ENOX1: variants seen among roughly 807,000 people sequenced by gnomAD.
The protein encoded by ENOX1 is candidate growth-related and time keeping constitutive hydroquinone (NADH) oxidase.
A neutral mutation model predicts 82.5 loss-of-function variants in ENOX1; 42 were observed. The ratio of observed to expected loss-of-function variants is 0.51; its 90% CI spans 0.40 to 0.66. The LOEUF (loss-of-function observed/expected upper bound fraction) is 0.66, where lower values mean the gene tolerates loss of function less well. Ranked by LOEUF, ENOX1 falls within the 30% of genes least tolerant of loss-of-function variation. The pLI is 0.00. For missense variants in ENOX1, 608 were observed against 811.6 expected, an observed-to-expected ratio of 0.75 and a Z score of 3.05; for synonymous variants, 271 against 282.2, an observed-to-expected ratio of 0.96 and a Z score of 0.40.
At chr13:43,556,927 A>C (rs1297643043) in intron 2 of ENOX1, among the ~76,000 whole-genome samples, 2 of 152,242 alleles carry the variant, frequency 1.3e-5, no homozygotes, top group Non-Finnish European at 2.9e-5. Context: ...GGACTAGGGG[A>C]GAGGGTAAAA....
At chr13:43,636,175 G>A (rs1489359066) in intron 2 of ENOX1, among the ~76,000 whole-genome samples, 1 of 152,178 alleles carries the variant, frequency 6.6e-6, no homozygotes, top group Non-Finnish European at 1.5e-5. Flanking sequence ...CTGATGATGG[G>A]TCAAGAGCAC....
chr13:43,356,910 G>A (rs375474196), intron 7 of ENOX1, among the ~76,000 whole-genome samples: 3 of 152,054 alleles, frequency 2.0e-5, no homozygotes, highest in Admixed American at 1.3e-4. Context: ...CAGCAGCCCC[G>A]TGCAAGAGCC....
chr13:43,277,862 T>G (rs929337389), intron 12 of ENOX1, among the ~76,000 whole-genome samples: 1 of 151,586 alleles, frequency 6.6e-6, no homozygotes, highest in Non-Finnish European at 1.5e-5. Flanking sequence ...AGGAGTGAGT[T>G]TTTTTAGGAC....
intron 2 of ENOX1, among the ~76,000 whole-genome samples, chr13:43,557,966 TC>T (rs372509287): frequency 2.6e-4 from 39 of 152,312 alleles, no homozygotes; most frequent in African/African-American, 7.9e-4. Flanking sequence ...TCACACTATC[TC>T]CTGTCTTAAG....
At chr13:43,214,990 CTT>C (rs2041394854) in intron 16 of ENOX1, among the ~76,000 whole-genome samples, 2 of 152,186 alleles carry the variant, frequency 1.3e-5, no homozygotes, top group African/African-American at 2.4e-5. Flanking sequence ...TAATTAGTCT[CTT>C]TAAGCCTCAG....
chr13:43,485,047 T>C (rs2153658060), intron 2 of ENOX1, among the ~76,000 whole-genome samples: 1 of 152,330 alleles, frequency 6.6e-6, no homozygotes, highest in Middle Eastern at 3.4e-3. Flanking sequence ...CACTTAGTTT[T>C]CCTGATTGCA....
chr13:43,563,976 T>G (rs1463307676), intron 2 of ENOX1, among the ~76,000 whole-genome samples: 1 of 151,448 alleles, frequency 6.6e-6, no homozygotes, highest in African/African-American at 2.4e-5. Flanking sequence ...AAGGAATACT[T>G]CCAAACTGAG....
At chr13:43,369,837 C>T (rs1054505576) in intron 5 of ENOX1, among the ~76,000 whole-genome samples, 3 of 152,198 alleles carry the variant, frequency 2.0e-5, no homozygotes, top group African/African-American at 7.2e-5. Context: ...CCTCCTGTTG[C>T]CACATTTGGA....
chr13:43,740,168 C>T (rs962994315), intron 1 of ENOX1, among the ~76,000 whole-genome samples: 2 of 152,008 alleles, frequency 1.3e-5, no homozygotes, highest in African/African-American at 4.8e-5. Context: ...GTTAGAAGAG[C>T]GACATTTCTG....
At chr13:43,531,833 C>T (rs2078236501) in intron 2 of ENOX1, among the ~76,000 whole-genome samples, 1 of 149,860 alleles carries the variant, frequency 6.7e-6, no homozygotes, top group African/African-American at 2.5e-5. Context: ...GACAAAAAAC[C>T]CAACACCGCA....
intron 3 of ENOX1, among the ~76,000 whole-genome samples, chr13:43,457,270 A>G (rs1217455194): frequency 1.3e-5 from 2 of 152,184 alleles, no homozygotes; most frequent in Admixed American, 1.3e-4. Context: ...ACTTGGACAA[A>G]CTAGTAACCA....
chr13:43,751,317 C>G (rs548928604), intron 1 of ENOX1, among the ~76,000 whole-genome samples: 1 of 152,296 alleles, frequency 6.6e-6, no homozygotes, highest in Non-Finnish European at 1.5e-5. Flanking sequence ...TCCTGCATCA[C>G]TGCTCTTCTG....
chr13:43,529,313 T>A (rs2078114420), intron 2 of ENOX1, among the ~76,000 whole-genome samples: 1 of 152,060 alleles, frequency 6.6e-6, no homozygotes, highest in Non-Finnish European at 1.5e-5. Context: ...TGTCCTTGTA[T>A]CTCAGTGCTA....
At chr13:43,257,003 G>T (rs1045190471) in intron 14 of ENOX1, among the ~76,000 whole-genome samples, 1 of 152,190 alleles carries the variant, frequency 6.6e-6, no homozygotes, top group Non-Finnish European at 1.5e-5. Context: ...CCTGTCATTT[G>T]CAGCAACGTG....
At chr13:43,360,617 C>T (rs897501808) in intron 6 of ENOX1, among the ~76,000 whole-genome samples, 22 of 151,696 alleles carry the variant, frequency 1.5e-4, no homozygotes, top group Non-Finnish European at 3.1e-4. Flanking sequence ...ACAATGTACA[C>T]TCTCACAATA....
chr13:43,213,929 G>C lies in ENOX1; in HGVS notation c.*61C>G. The C allele has an allele frequency of 1.9e-6, 3 of 1,564,102 alleles. No homozygotes were observed. Among genetic ancestry groups the C allele is most frequent in the Non-Finnish European group, 1.7e-6 (2 of 1,151,998 alleles). On this transcript the variant is annotated 3_prime_UTR_variant, in exon 17 of 17. Coordinates refer to ENST00000690772, the MANE Select transcript of ENOX1 (RefSeq NM_001347969.2). ...CCAACCCCACACCTCCTGCTTCCCCGTCGCACCGCCCTGGCCAGGTTCACA... is the reference window on the plus strand; with the variant it reads ...CCAACCCCACACCTCCTGCTTCCCCCTCGCACCGCCCTGGCCAGGTTCACA...
intron 1 of ENOX1, among the ~76,000 whole-genome samples, chr13:43,761,709 T>C (rs1950986115): frequency 6.6e-6 from 1 of 152,190 alleles, no homozygotes; most frequent in Non-Finnish European, 1.5e-5. Context: ...TCTTGGAATA[T>C]AACATTTTAA....
At chr13:43,311,664 A>T (rs1163441480) in intron 11 of ENOX1, among the ~76,000 whole-genome samples, 1 of 152,190 alleles carries the variant, frequency 6.6e-6, no homozygotes, top group African/African-American at 2.4e-5. Flanking sequence ...GATTTTTCAG[A>T]GGAGAGAAGC....
intron 3 of ENOX1, among the ~76,000 whole-genome samples, chr13:43,449,037 G>A (rs1284642120): frequency 6.6e-6 from 1 of 152,190 alleles, no homozygotes; most frequent in Middle Eastern, 3.2e-3. Flanking sequence ...AATGTTTGTT[G>A]AATGAAGATG....
Sources: gnomAD v4.1 joint callset for allele counts (sites outside exome capture counted in the v4.1 genomes callset) on GRCh38, gnomAD v4.1.1 for gene constraint, MANE v1.5 for transcripts, NCBI Gene and HGNC (gene_info 2026-07-23, HGNC 2026-07-21) for gene names.